OXCT1: variants seen among roughly 807,000 people sequenced by gnomAD.
OXCT1 encodes the protein succinyl-CoA:3-ketoacid coenzyme A transferase 1, mitochondrial.
Under a neutral mutation model 69.6 loss-of-function variants are expected in OXCT1, and 27 were observed. The observed-to-expected ratio is 0.39, with a 90% CI of 0.29 to 0.54. The LOEUF is 0.54. OXCT1 is among the 20% of genes least tolerant of loss of function. OXCT1 has a pLI of 0.72. For missense variants in OXCT1, 437 were observed against 650.2 expected (o/e 0.67, Z 3.57); for synonymous variants, 202 against 217.8 (o/e 0.93, Z 0.64).
intron 3 of OXCT1, among the ~76,000 whole-genome samples, chr5:41,858,911 C>A (rs1476074317): frequency 2.6e-5 from 4 of 152,126 alleles, no homozygotes; most frequent in Non-Finnish European, 4.4e-5. Context: ...ATTTCCCCAT[C>A]CCCCACCCAA....
At chr5:41,813,646 C>G (rs953669816) in intron 7 of OXCT1, among the ~76,000 whole-genome samples, 1 of 152,050 alleles carries the variant, frequency 6.6e-6, no homozygotes. Context: ...ATCCCTTTCT[C>G]TAACAGAGAA....
rs561052855 is a variant in OXCT1, at chr5:41,844,115, C to T, written c.565-1334G>A. ...TTTTATATTCTAGTTACATAATTTT[C>T]TGATGTGTCTACATACCAGCTGTTG... On this transcript the variant is annotated intron_variant, in intron 5 of 16. Transcript: ENST00000196371. 2.4e-4 allele frequency among the ~76,000 whole-genome samples: 36 copies of T among 152,244 alleles called. No individual in the cohort carries two copies. The South Asian group carries it at 6.6e-3, about 28-fold the overall frequency.
chr5:41,835,862 T>A (rs1748330939), intron 7 of OXCT1, among the ~76,000 whole-genome samples: 1 of 152,152 alleles, frequency 6.6e-6, no homozygotes, highest in Non-Finnish European at 1.5e-5. Context: ...CATGCCAGGC[T>A]GCTTGCAGGA....
At chr5:41,827,457 A>T (rs1398769890) in intron 7 of OXCT1, among the ~76,000 whole-genome samples, 1 of 152,228 alleles carries the variant, frequency 6.6e-6, no homozygotes, top group African/African-American at 2.4e-5. Flanking sequence ...TGGTGATTAG[A>T]GGATCCGATG....
At chr5:41,867,691 C>T (rs552607247) in intron 1 of OXCT1, among the ~76,000 whole-genome samples, 1 of 152,302 alleles carries the variant, frequency 6.6e-6, no homozygotes, top group East Asian at 1.9e-4. Flanking sequence ...GCTTTAAGCA[C>T]CAACTGACAT....
intron 15 of OXCT1, among the ~76,000 whole-genome samples, chr5:41,743,516 G>A (rs1743301189): frequency 6.6e-6 from 1 of 152,144 alleles, no homozygotes; most frequent in African/African-American, 2.4e-5. Context: ...GGCTTTTGTT[G>A]CCATTGCTTT....
chr5:41,782,776 TG>T (rs1005588135), intron 13 of OXCT1, among the ~76,000 whole-genome samples: 4 of 152,208 alleles, frequency 2.6e-5, no homozygotes, highest in Admixed American at 1.3e-4. Context: ...TTCTTTGTAT[TG>T]GGATGTTTTT....
intron 16 of OXCT1, among the ~76,000 whole-genome samples, chr5:41,738,298 C>A (rs551011492): frequency 3.3e-5 from 5 of 152,094 alleles, no homozygotes; most frequent in African/African-American, 1.2e-4. Flanking sequence ...GTGTCCCCAC[C>A]CAAATCTCAT....
intron 4 of OXCT1, 76 bp downstream of exon 4, chr5:41,853,343 A>T: frequency 1.4e-6 from 2 of 1,387,996 alleles, no homozygotes; most frequent in Non-Finnish European, 2.0e-6. Flanking sequence ...CCTCTTTTGC[A>T]CAAAGAAATT....
In OXCT1 at chr5:41,783,842, T is replaced by C. The variant is rs1342585603; in HGVS notation, c.1248+10161A>G. ...AGTCAAAGTCTTAGAGGTAAGCAGT[T>C]GTTCAAAATATATCATATGAAGCAC... On this transcript the variant is annotated intron_variant, in intron 13 of 16. Coordinates refer to ENST00000196371, the MANE Select transcript of OXCT1 (RefSeq NM_000436.4). Among the ~76,000 whole-genome samples the C allele has an allele frequency of 3.3e-5, 5 of 152,190 alleles. No homozygotes were observed. The East Asian group carries it at 9.6e-4, about 29-fold the overall frequency.
chr5:41,844,232 C>T (rs1352312019), intron 5 of OXCT1, among the ~76,000 whole-genome samples: 1 of 152,146 alleles, frequency 6.6e-6, no homozygotes, highest in Non-Finnish European at 1.5e-5. Flanking sequence ...TTCTACATTT[C>T]GTAGTCACCA....
At chr5:41,818,930 A>G (rs1747387830) in intron 7 of OXCT1, among the ~76,000 whole-genome samples, 1 of 151,982 alleles carries the variant, frequency 6.6e-6, no homozygotes, top group African/African-American at 2.4e-5. Context: ...TTTAAAAAAA[A>G]AAAAAGAAAA....
intron 7 of OXCT1, among the ~76,000 whole-genome samples, chr5:41,814,633 C>A (rs1445607780): frequency 1.3e-5 from 2 of 149,170 alleles, no homozygotes; most frequent in African/African-American, 2.5e-5. Flanking sequence ...GAACAAAAAA[C>A]CAAACACCGC....
chr5:41,744,218 CT>C (rs1377639221), intron 15 of OXCT1, among the ~76,000 whole-genome samples: 1 of 152,064 alleles, frequency 6.6e-6, no homozygotes, highest in Non-Finnish European at 1.5e-5. Context: ...GTATTTTATT[CT>C]CTTTGAAGCA....
chr5:41,853,650 T>G (rs758305349), intron 3 of OXCT1, 96 bp from the exon 4 acceptor site: 1 of 1,366,794 alleles, frequency 7.3e-7, no homozygotes, highest in Non-Finnish European at 1.0e-6. Flanking sequence ...TAAAGAAAAA[T>G]AAATCCTTTC....
At chr5:41,832,825 G>A (rs956241594) in intron 7 of OXCT1, among the ~76,000 whole-genome samples, 10 of 152,098 alleles carry the variant, frequency 6.6e-5, no homozygotes, top group African/African-American at 2.2e-4. Flanking sequence ...TAATTTAAAA[G>A]AATCAAGCAG....
Position 41,870,035 on chromosome 5 carries a change from G to A in OXCT1, c.78+246C>T, listed in dbSNP as rs1750210985. The A allele has an allele frequency of 9.3e-6, 5 of 537,686 alleles. No homozygotes were observed. The South Asian group carries it at 1.0e-4, about 11-fold the overall frequency. The allele number at this position is 537,686 out of a possible 1,614,324, so 33.3% of individuals were successfully genotyped here. A position where few individuals can be genotyped will look rare whatever the true frequency, so the allele number is the denominator to read the frequency against. ...CCTCCCGCCCCTTCTCAGCCTCTCC[G>A]CGCGCTTCTTTATCGCGTCTCGCTC... On this transcript the variant is annotated intron_variant, in intron 1 of 16. Coordinates refer to ENST00000196371, the MANE Select transcript of OXCT1 (RefSeq NM_000436.4). The surrounding 1 kb of genome is among the most constrained non-coding windows in gnomAD (Gnocchi z 4.2).
intron 13 of OXCT1, among the ~76,000 whole-genome samples, chr5:41,783,654 T>C (rs1456628773): frequency 6.6e-6 from 1 of 152,224 alleles, no homozygotes; most frequent in Non-Finnish European, 1.5e-5. Flanking sequence ...AATCCCACTC[T>C]ATGCAAAGAA....
intron 14 of OXCT1, among the ~76,000 whole-genome samples, chr5:41,754,807 A>G (rs1054861887): frequency 6.6e-6 from 1 of 152,000 alleles, no homozygotes; most frequent in Non-Finnish European, 1.5e-5. Flanking sequence ...GAGGTAATAT[A>G]TGGAGGTAAT....
Sources: allele counts gnomAD v4.1 joint callset (sites outside exome capture counted in the v4.1 genomes callset), GRCh38; gene constraint gnomAD v4.1.1; non-coding constraint Gnocchi (gnomAD v3.1); transcripts MANE v1.5; gene names NCBI Gene and HGNC (gene_info 2026-07-23, HGNC 2026-07-21).